Variants in PTGIS observed in about 807,000 individuals in gnomAD.
PTGIS encodes the protein prostacyclin synthase.
In PTGIS, 45 loss-of-function variants were observed where a neutral mutation model predicts 50.3. That is an observed-to-expected ratio of 0.90 (90% CI 0.70 to 1.15). PTGIS has a LOEUF of 1.15. Among genes scored for constraint, PTGIS ranks in the 50% most tolerant of loss-of-function variants. The pLI, the probability that PTGIS is intolerant of heterozygous loss-of-function variation, is 0.00. For synonymous variants in PTGIS, 260 were observed against 267.7 expected (o/e 0.97, Z 0.28); for missense variants, 668 against 661.3 (o/e 1.01, Z -0.11).
chr20:49,558,713 ATTTT>A (rs33976646), intron 1 of PTGIS, among the ~76,000 whole-genome samples: 9 of 144,020 alleles, frequency 6.2e-5, no homozygotes, highest in Admixed American at 1.4e-4. Context: ...AAGTTAGACA[ATTTT>A]TTTTTTTTTT....
At chr20:49,514,078 A>T in intron 7 of PTGIS, 149 bp downstream of exon 7, 2 of 875,248 alleles carry the variant, frequency 2.3e-6, no homozygotes, top group Non-Finnish European at 3.6e-6. Flanking sequence ...TGGAGATGCC[A>T]GGTGTGTGAA....
At chr20:49,537,934 A>G (rs1260311613) in intron 5 of PTGIS, among the ~76,000 whole-genome samples, 8 of 152,134 alleles carry the variant, frequency 5.3e-5, no homozygotes, top group Admixed American at 2.6e-4. Context: ...ATATTTCTTT[A>G]ATGAAATACT....
chr20:49,555,482 G>A lies in PTGIS; in HGVS notation c.75-5293C>T, dbSNP rs554809971. On this transcript the variant is annotated intron_variant, in intron 1 of 9. Transcript: ENST00000244043. ...ATTTTTTGGCATTAGGTCCTCTGAA[G>A]TCCAAAAGAGACATATTCGGCTTAT... Among the ~76,000 whole-genome samples the A allele has an allele frequency of 2.0e-5, 3 of 152,164 alleles. No individual in the cohort carries two copies. The East Asian group carries it at 5.8e-4, about 29-fold the overall frequency.
Position 49,559,736 on chromosome 20 carries a change from G to T in PTGIS, c.74+8307C>A, listed in dbSNP as rs550040146. Among the ~76,000 whole-genome samples the T allele has an allele frequency of 6.6e-5, 10 of 152,256 alleles. 1 individual carries two copies. The highest frequency in any genetic ancestry group is 2.4e-4 in the African/African-American group (10 of 41,542). On this transcript the variant is annotated intron_variant, in intron 1 of 9. Coordinates refer to ENST00000244043, the MANE Select transcript of PTGIS (RefSeq NM_000961.4). The stretch of plus-strand genomic sequence containing the variant: ...TTGTATTAATTCATTTATATGAACT[G>T]TCCAGAATTGGGAAATCAATAGAGA...
chr20:49,538,279 A>AAAAT (rs1215903881), intron 5 of PTGIS, among the ~76,000 whole-genome samples: 2 of 140,110 alleles, frequency 1.4e-5, no homozygotes, highest in African/African-American at 5.3e-5. Context: ...AAAAAAAAAA[A>AAAAT]AAAAAAAGGC....
intron 6 of PTGIS, among the ~76,000 whole-genome samples, chr20:49,516,653 G>A (rs1290930146): frequency 6.6e-6 from 1 of 152,184 alleles, no homozygotes; most frequent in African/African-American, 2.4e-5. Flanking sequence ...ATTAGTGATG[G>A]TGAGATAGAT....
intron 3 of PTGIS, among the ~76,000 whole-genome samples, chr20:49,544,928 G>A (rs1301318687): frequency 6.6e-6 from 1 of 152,202 alleles, no homozygotes; most frequent in East Asian, 1.9e-4. Context: ...CTAAAGATAG[G>A]AAGATCTGTT....
At chr20:49,508,134 G>A (rs2122832246) in intron 9 of PTGIS, 70 bp from the exon 10 acceptor site, 1 of 1,570,136 alleles carries the variant, frequency 6.4e-7, no homozygotes, top group Non-Finnish European at 8.7e-7. Context: ...ACAAGGCAGG[G>A]GAGCCATGGC....
chr20:49,519,784 A>C (rs1313037830), intron 6 of PTGIS, among the ~76,000 whole-genome samples: 1 of 151,036 alleles, frequency 6.6e-6, no homozygotes, highest in Admixed American at 6.6e-5. Context: ...CCCTCCTGTC[A>C]CTCAGGCCCA....
At chr20:49,513,881 G>C (rs537121008) in intron 7 of PTGIS, among the ~76,000 whole-genome samples, 1 of 152,340 alleles carries the variant, frequency 6.6e-6, no homozygotes, top group South Asian at 2.1e-4. Context: ...AGCCAACCCA[G>C]TGGGAAACAG....
At chr20:49,509,578 C>T (rs571841168) in intron 9 of PTGIS, among the ~76,000 whole-genome samples, 79 of 152,282 alleles carry the variant, frequency 5.2e-4, no homozygotes, top group Non-Finnish European at 9.8e-4. Flanking sequence ...CATTTGCTCA[C>T]GTGCAATTTC....
In PTGIS at chr20:49,547,852, G is replaced by A. The variant is rs1342082434; in HGVS notation, c.366C>T (p.Ala122=). 1.2e-6 allele frequency: 2 copies of A among 1,613,914 alleles called. No homozygotes were observed. The highest frequency in any genetic ancestry group is 2.7e-5 in the African/African-American group (2 of 74,864). Residue 122 remains alanine (A), a synonymous_variant, in exon 3 of 10, where the codon GCC becomes GCT. Coordinates refer to ENST00000244043, the MANE Select transcript of PTGIS (RefSeq NM_000961.4). ...CTCCAGCCACTCACAGTTTCATCCT[G>A]GCCTTTTCATCACTGGGGCTGTAAT... is the stretch of plus-strand genomic sequence containing the variant. ...LPHYSPSDEK[A]RMKLTLLHRE... is the part of the protein sequence containing the mutation.
intron 5 of PTGIS, among the ~76,000 whole-genome samples, chr20:49,536,503 C>T (rs1307572110): frequency 9.5e-5 from 9 of 94,818 alleles, no homozygotes; most frequent in Admixed American, 1.4e-4. Context: ...TTTTTTGAGA[C>T]GGAGTCTCAC....
rs767360746 is a variant in PTGIS, at chr20:49,524,208, A to G, written c.705T>C (p.Ser235=). Residue 235 remains serine (S), a synonymous_variant, in exon 6 of 10, where the codon AGT becomes AGC. Transcript: ENST00000244043. ...CTGGGGATAGCAGCTTCCACAGGCGACTTTTGACACTGCACATGTGGTCCT... is the reference window on the plus strand; with the variant it reads ...CTGGGGATAGCAGCTTCCACAGGCGGCTTTTGACACTGCACATGTGGTCCT... ...GDKDHMCSVK[S]RLWKLLSPAR... is the part of the protein sequence containing the mutation. 6.2e-7 allele frequency: 1 copy of G among 1,614,104 alleles called. No homozygotes were observed. Among genetic ancestry groups the G allele is most frequent in the Non-Finnish European group, 8.5e-7 (1 of 1,180,002 alleles).
At chr20:49,536,448 T>TTTTTC (rs199563837) in intron 5 of PTGIS, among the ~76,000 whole-genome samples, 1,681 of 150,916 alleles carry the variant, frequency 0.011, 15 homozygotes, top group Non-Finnish European at 0.018. Flanking sequence ...GCTTTTTCTT[T>TTTTTC]TTTTCTTTTC....
chr20:49,537,322 A>G (rs534119267), intron 5 of PTGIS, among the ~76,000 whole-genome samples: 2 of 152,332 alleles, frequency 1.3e-5, no homozygotes, highest in South Asian at 2.1e-4. Flanking sequence ...CACTCTACCA[A>G]CACTAAGTAC....
At chr20:49,546,475 GTTTCCT>G (rs1982362981) in intron 3 of PTGIS, among the ~76,000 whole-genome samples, 3 of 152,336 alleles carry the variant, frequency 2.0e-5, no homozygotes, top group African/African-American at 4.8e-5. Flanking sequence ...TTGCAAAACA[GTTTCCT>G]AGATGCTCTT....
chr20:49,565,232 G>A (rs1053219380), intron 1 of PTGIS, among the ~76,000 whole-genome samples: 6 of 151,798 alleles, frequency 4.0e-5, no homozygotes, highest in East Asian at 1.9e-4. Context: ...CCGCCCTCCC[G>A]GCCATTGTCC....
intron 1 of PTGIS, among the ~76,000 whole-genome samples, chr20:49,558,675 A>C (rs1054529000): frequency 6.6e-6 from 1 of 151,784 alleles, no homozygotes; most frequent in Non-Finnish European, 1.5e-5. Context: ...AATGAGGCTG[A>C]GACTTGCTGG....
Sources: allele counts gnomAD v4.1 joint callset (sites outside exome capture counted in the v4.1 genomes callset), GRCh38; gene constraint gnomAD v4.1.1; transcripts MANE v1.5; gene names NCBI Gene and HGNC (gene_info 2026-07-23, HGNC 2026-07-21).